CSMD3: variants seen among roughly 807,000 people sequenced by gnomAD.
CSMD3 encodes CUB and Sushi multiple domains 3, also known as CUB and sushi domain-containing protein 3.
A neutral mutation model predicts 435.2 loss-of-function variants in CSMD3; 177 were observed. That is an observed-to-expected ratio of 0.41 (90% CI 0.36 to 0.46). The LOEUF (loss-of-function observed/expected upper bound fraction) is 0.46. Among genes scored for constraint, CSMD3 ranks in the 20% least tolerant of loss-of-function variants. The probability of loss-of-function intolerance (pLI) is 0.34; values close to 1 mark genes in which losing one functional copy is unlikely to be tolerated. For synonymous variants in CSMD3, 1,656 were observed against 1,520.5 expected (o/e 1.09, Z -2.07); for missense variants, 4,265 against 4,504.6 (o/e 0.95, Z 1.52).
intron 1 of CSMD3, among the ~76,000 whole-genome samples, chr8:113,363,764 A>T (rs1171715774): frequency 4.6e-5 from 7 of 152,126 alleles, no homozygotes; most frequent in Admixed American, 4.6e-4. Flanking sequence ...ATCTACAAAG[A>T]TCTTTTTTTT....
intron 30 of CSMD3, among the ~76,000 whole-genome samples, chr8:112,502,373 T>A (rs1242964768): frequency 1.3e-5 from 2 of 152,188 alleles, no homozygotes; most frequent in Non-Finnish European, 2.9e-5. Flanking sequence ...TCCTGCTTTT[T>A]CTTGTGAAAT....
At chr8:112,476,437 A>G (rs1226605882) in intron 31 of CSMD3, among the ~76,000 whole-genome samples, 1 of 152,178 alleles carries the variant, frequency 6.6e-6, no homozygotes, top group Non-Finnish European at 1.5e-5. Context: ...ATACAAATGA[A>G]GGACTTGAGA....
intron 27 of CSMD3, among the ~76,000 whole-genome samples, chr8:112,536,768 C>A (rs1180575296): frequency 6.6e-6 from 1 of 150,774 alleles, no homozygotes; most frequent in South Asian, 2.1e-4. Context: ...TGGAACCAAC[C>A]CAAATGTCCA....
intron 22 of CSMD3, among the ~76,000 whole-genome samples, chr8:112,604,351 T>G (rs1175554639): frequency 6.6e-6 from 1 of 152,144 alleles, no homozygotes; most frequent in East Asian, 1.9e-4. Context: ...TTTCTAATTA[T>G]GTGAAAAATG....
At chr8:112,381,464 TAAAC>T (rs1241380538) in intron 37 of CSMD3, among the ~76,000 whole-genome samples, 1 of 152,158 alleles carries the variant, frequency 6.6e-6, no homozygotes, top group Non-Finnish European at 1.5e-5. Flanking sequence ...AGCATGAAAA[TAAAC>T]AAGCGCTAAT....
intron 3 of CSMD3, among the ~76,000 whole-genome samples, chr8:113,247,245 C>T (rs146001875): frequency 9.7e-4 from 147 of 152,266 alleles, no homozygotes; most frequent in African/African-American, 3.4e-3. Context: ...AGATAAGGAT[C>T]TTCCCACTGA....
intron 17 of CSMD3, among the ~76,000 whole-genome samples, chr8:112,659,305 A>G (rs1255075846): frequency 1.3e-5 from 2 of 152,208 alleles, no homozygotes; most frequent in Admixed American, 6.5e-5. Flanking sequence ...TCTATTTTAA[A>G]ATAGTTGTAT....
At chr8:112,980,155 C>A (rs1011698049) in intron 6 of CSMD3, among the ~76,000 whole-genome samples, 1 of 150,382 alleles carries the variant, frequency 6.6e-6, no homozygotes, top group African/African-American at 2.4e-5. Flanking sequence ...ATTTGAACTT[C>A]ATTTTGATTA....
At chr8:112,997,744 G>C (rs2085708607) in intron 6 of CSMD3, among the ~76,000 whole-genome samples, 1 of 150,770 alleles carries the variant, frequency 6.6e-6, no homozygotes, top group Admixed American at 6.7e-5. Context: ...CTCACAATAA[G>C]GTAAACTACC....
intron 32 of CSMD3, among the ~76,000 whole-genome samples, chr8:112,447,720 A>T (rs11989763): frequency 6.6e-6 from 1 of 152,172 alleles, no homozygotes; most frequent in Non-Finnish European, 1.5e-5. Context: ...TTGTGCACAA[A>T]AATAACTGTT....
At chr8:113,271,909 C>A (rs1385837492) in intron 3 of CSMD3, among the ~76,000 whole-genome samples, 2 of 152,170 alleles carry the variant, frequency 1.3e-5, no homozygotes, top group Non-Finnish European at 1.5e-5. Flanking sequence ...ACTATGGCAA[C>A]CTGCCTCTTT....
intron 4 of CSMD3, among the ~76,000 whole-genome samples, chr8:113,107,787 A>G (rs554953743): frequency 6.6e-6 from 1 of 152,222 alleles, no homozygotes; most frequent in South Asian, 2.1e-4. Context: ...TCTCTTTTCT[A>G]CTTCAGTATT....
At chr8:112,329,282 A>T (rs58457449) in intron 45 of CSMD3, among the ~76,000 whole-genome samples, 3,031 of 152,264 alleles carry the variant, frequency 0.02, 110 homozygotes, top group African/African-American at 0.068. Context: ...GACCTTGTTG[A>T]AACAAGCGAG....
intron 48 of CSMD3, among the ~76,000 whole-genome samples, 182 bp from the exon 49 acceptor site, chr8:112,314,234 A>G (rs1209249108): frequency 6.6e-6 from 1 of 152,100 alleles, no homozygotes; most frequent in African/African-American, 2.4e-5. Flanking sequence ...TAGCTAAATG[A>G]TGTATAATTT....
chr8:113,429,345 A>G (rs2094656332), intron 1 of CSMD3, among the ~76,000 whole-genome samples: 1 of 151,942 alleles, frequency 6.6e-6, no homozygotes, highest in Non-Finnish European at 1.5e-5. Flanking sequence ...CATGAAAAAA[A>G]GAAACATTTC....
At chr8:112,817,820 T>C (rs921495660) in intron 12 of CSMD3, among the ~76,000 whole-genome samples, 1 of 152,112 alleles carries the variant, frequency 6.6e-6, no homozygotes, top group African/African-American at 2.4e-5. Flanking sequence ...TATGGCAAAT[T>C]TAGCATGGCG....
intron 45 of CSMD3, among the ~76,000 whole-genome samples, chr8:112,328,879 T>A (rs1353218276): frequency 6.6e-6 from 1 of 152,146 alleles, no homozygotes; most frequent in Admixed American, 6.6e-5. Context: ...GAACTGTGCG[T>A]CAATTAAACT....
chr8:112,608,139 G>C (rs944984209), intron 22 of CSMD3, among the ~76,000 whole-genome samples: 6 of 151,988 alleles, frequency 3.9e-5, no homozygotes, highest in Non-Finnish European at 5.9e-5. Context: ...ATAAAAATTA[G>C]TTGTGTTTCC....
intron 9 of CSMD3, among the ~76,000 whole-genome samples, chr8:112,932,478 CCT>C (rs2083141833): frequency 6.6e-6 from 1 of 152,122 alleles, no homozygotes; most frequent in African/African-American, 2.4e-5. Flanking sequence ...AGTCTCCTGA[CCT>C]CATGATCCGC....
Sources: allele counts gnomAD v4.1 joint callset (sites outside exome capture counted in the v4.1 genomes callset), GRCh38; gene constraint gnomAD v4.1.1; transcripts MANE v1.5; gene names NCBI Gene and HGNC (gene_info 2026-07-23, HGNC 2026-07-21).